LRRC7: variants seen among roughly 807,000 people sequenced by gnomAD.
The protein encoded by LRRC7 is leucine rich repeat containing 7, also known as leucine-rich repeat-containing protein 7.
A neutral mutation model predicts 175.7 loss-of-function variants in LRRC7; 23 were observed. That is an observed-to-expected ratio of 0.13 (90% CI 0.09 to 0.19). LRRC7 has a LOEUF of 0.19. Among genes scored for constraint, LRRC7 ranks in the 10% least tolerant of loss-of-function variants. The pLI, the probability that LRRC7 is intolerant of heterozygous loss-of-function variation, is 1.00. For synonymous variants in LRRC7, 685 were observed against 680.9 expected (o/e 1.01, Z -0.09); for missense variants, 1,354 against 1,904.7 (o/e 0.71, Z 5.38).
At chr1:70,107,586 C>G (rs1250829032) in intron 25 of LRRC7, among the ~76,000 whole-genome samples, 166 bp from the exon 26 acceptor site, 1 of 152,100 alleles carries the variant, frequency 6.6e-6, no homozygotes, top group Admixed American at 6.6e-5. Context: ...TTAAACTTGA[C>G]TTGGAGAGTG....
intron 1 of LRRC7, among the ~76,000 whole-genome samples, chr1:69,647,150 T>C (rs1463700424): frequency 1.3e-5 from 2 of 152,136 alleles, no homozygotes; most frequent in East Asian, 3.9e-4. Flanking sequence ...CTTTTGGTCT[T>C]CAGTGAGAAA....
chr1:69,917,917 T>C (rs1019190610), intron 7 of LRRC7, among the ~76,000 whole-genome samples: 6 of 152,170 alleles, frequency 3.9e-5, no homozygotes, highest in Admixed American at 3.9e-4. Flanking sequence ...AACTTTAGAA[T>C]TACTCTTTCA....
At chr1:69,846,503 A>G (rs928668035) in intron 7 of LRRC7, among the ~76,000 whole-genome samples, 47 of 152,234 alleles carry the variant, frequency 3.1e-4, no homozygotes, top group African/African-American at 9.4e-4. Flanking sequence ...TCAGTTTTAT[A>G]AGATCTCGGA....
Position 70,129,157 on chromosome 1 carries a change from G to T in LRRC7, c.*7270G>T, listed in dbSNP as rs1165789361. Among the ~76,000 whole-genome samples the T allele has an allele frequency of 6.6e-6, 1 of 151,716 alleles. No individual in the cohort carries two copies. Among genetic ancestry groups the T allele is most frequent in the Non-Finnish European group, 1.5e-5 (1 of 67,998 alleles). ...AGTTACTGGGGAGGCTGAGGCAGGAGAATTGCTTCAACCCAGCAGGCGGAG... is the reference window on the plus strand; with the variant it reads ...AGTTACTGGGGAGGCTGAGGCAGGATAATTGCTTCAACCCAGCAGGCGGAG... On this transcript the variant is annotated 3_prime_UTR_variant, in exon 27 of 27. Coordinates refer to ENST00000651989, the MANE Select transcript of LRRC7 (RefSeq NM_001370785.2).
intron 7 of LRRC7, among the ~76,000 whole-genome samples, chr1:69,923,289 T>A (rs577918573): frequency 6.6e-6 from 1 of 152,330 alleles, no homozygotes; most frequent in South Asian, 2.1e-4. Flanking sequence ...CATGTGCATG[T>A]GTCTTTATAG....
At chr1:69,988,585 G>A (rs2101901493) in intron 10 of LRRC7, among the ~76,000 whole-genome samples, 1 of 152,248 alleles carries the variant, frequency 6.6e-6, no homozygotes, top group East Asian at 1.9e-4. Flanking sequence ...AGGACTTTAA[G>A]CACAACAGAG....
At chr1:69,969,415 C>T (rs1355923105) in intron 8 of LRRC7, among the ~76,000 whole-genome samples, 2 of 152,046 alleles carry the variant, frequency 1.3e-5, no homozygotes, top group African/African-American at 4.8e-5. Context: ...CTCACATAAA[C>T]TTAAGGTAAA....
At chr1:69,747,223 G>A (rs528727272) in intron 2 of LRRC7, among the ~76,000 whole-genome samples, 1 of 152,254 alleles carries the variant, frequency 6.6e-6, no homozygotes, top group South Asian at 2.1e-4. Context: ...AACAGGGATT[G>A]GAGGGAAATT....
chr1:69,758,375 T>C (rs1393682840), intron 2 of LRRC7, among the ~76,000 whole-genome samples: 1 of 152,036 alleles, frequency 6.6e-6, no homozygotes, highest in African/African-American at 2.4e-5. Context: ...TAAGTATTTA[T>C]TCATGAACCT....
rs970895877 is a variant in LRRC7 at position 69,770,823 on chromosome 1, G to A, written c.303+10430G>A. On this transcript the variant is annotated intron_variant, in intron 3 of 26. Transcript: ENST00000651989. ...TATGGAGGGCTCTCCTTAGATCCTG[G>A]GTTTGAATAAAGGTCTAAAAAATGA... Among the ~76,000 whole-genome samples the A allele has an allele frequency of 2.6e-5, 4 of 152,148 alleles. No individual in the cohort carries two copies. In the East Asian group the frequency reaches 7.7e-4, roughly 29 times the overall value.
At chr1:69,751,912 A>G (rs2100900571) in intron 2 of LRRC7, among the ~76,000 whole-genome samples, 1 of 152,290 alleles carries the variant, frequency 6.6e-6, no homozygotes, top group Admixed American at 6.5e-5. Context: ...ATTAAAGACC[A>G]TAAGGAGATT....
intron 11 of LRRC7, among the ~76,000 whole-genome samples, chr1:70,010,655 C>G (rs1386772096): frequency 6.6e-6 from 1 of 152,188 alleles, no homozygotes; most frequent in African/African-American, 2.4e-5. Flanking sequence ...AATCTTCACC[C>G]CTGGGGGTTC....
intron 26 of LRRC7, among the ~76,000 whole-genome samples, chr1:70,114,051 T>TA (rs1344139432): frequency 1.4e-5 from 2 of 147,602 alleles, no homozygotes; most frequent in East Asian, 4.0e-4. Context: ...AAAAATTCTT[T>TA]AAAAAAAATC....
chr1:69,823,542 A>G (rs1171702236), intron 4 of LRRC7, among the ~76,000 whole-genome samples: 1 of 117,264 alleles, frequency 8.5e-6, no homozygotes, highest in African/African-American at 3.9e-5. Context: ...TGTGTGTGGG[A>G]AAAAAAGTGT....
At chr1:69,928,153 G>A (rs1312875203) in intron 7 of LRRC7, among the ~76,000 whole-genome samples, 5 of 152,118 alleles carry the variant, frequency 3.3e-5, no homozygotes, top group African/African-American at 4.8e-5. Flanking sequence ...CTGTCTGATC[G>A]TTCCTCTGGA....
intron 15 of LRRC7, 90 bp downstream of exon 15, chr1:70,018,908 G>A: frequency 1.1e-6 from 1 of 882,792 alleles, no homozygotes; most frequent in South Asian, 1.6e-5. Flanking sequence ...AGGAGTACTG[G>A]CACATGGACA....
At chr1:69,913,732 C>T (rs939131838) in intron 7 of LRRC7, among the ~76,000 whole-genome samples, 1 of 152,088 alleles carries the variant, frequency 6.6e-6, no homozygotes, top group Non-Finnish European at 1.5e-5. Flanking sequence ...AGGCTGGTCT[C>T]AAACTCTTGA....
intron 7 of LRRC7, among the ~76,000 whole-genome samples, chr1:69,869,193 G>A (rs911539269): frequency 3.3e-5 from 5 of 151,994 alleles, no homozygotes; most frequent in African/African-American, 1.2e-4. Context: ...ATAGGTTATT[G>A]TAATAATCAT....
At chr1:69,575,182 T>C (rs1414370496) in intron 1 of LRRC7, among the ~76,000 whole-genome samples, 1 of 152,148 alleles carries the variant, frequency 6.6e-6, no homozygotes, top group Non-Finnish European at 1.5e-5. Context: ...CTGAGGGTCA[T>C]CCAACTGTTA....
Sources: gnomAD v4.1 joint callset for allele counts (sites outside exome capture counted in the v4.1 genomes callset) on GRCh38, gnomAD v4.1.1 for gene constraint, MANE v1.5 for transcripts, NCBI Gene and HGNC (gene_info 2026-07-23, HGNC 2026-07-21) for gene names.